The following DAB2 variants were observed in gnomAD, a reference collection of about 807,000 sequenced individuals.
The protein encoded by DAB2 is DAB adaptor protein 2.
A neutral mutation model predicts 71.6 loss-of-function variants in DAB2; 28 were observed. That is an observed-to-expected ratio of 0.39 (90% CI 0.29 to 0.54). The LOEUF is 0.54. Among genes scored for constraint, DAB2 ranks in the 20% least tolerant of loss-of-function variants. The pLI, the probability that DAB2 is intolerant of heterozygous loss-of-function variation, is 0.68. For synonymous variants in DAB2, 345 were observed against 339.7 expected (o/e 1.02, Z -0.17); for missense variants, 867 against 928.8 (o/e 0.93, Z 0.86).
chr5:39,382,493 T>C, intron 10 of DAB2, 125 bp downstream of exon 10: 1 of 1,077,256 alleles, frequency 9.3e-7, no homozygotes, highest in Non-Finnish European at 1.3e-6. Flanking sequence ...AAGTGCCTTA[T>C]CCCACCTTCT....
At chr5:39,376,237 C>CCATTT (rs1754825354) in intron 12 of DAB2, 131 bp from the exon 13 acceptor site, 4 of 662,414 alleles carry the variant, frequency 6.0e-6, no homozygotes, top group Non-Finnish European at 7.9e-6. Context: ...AAAATCAACA[C>CCATTT]CAAATACTAG....
intron 9 of DAB2, among the ~76,000 whole-genome samples, chr5:39,383,956 G>C (rs1755039310): frequency 6.6e-6 from 1 of 152,226 alleles, no homozygotes; most frequent in African/African-American, 2.4e-5. Context: ...GAAGCTGATA[G>C]TCAAGTAGGA....
At position 39,393,289 on chromosome 5, in the gene DAB2, C is replaced by T; in HGVS notation, c.196G>A (p.Asp66Asn). The change falls in exon 3 of 15, where the codon GAT (aspartate) becomes AAT (asparagine). Residue 66 changes from aspartate (D) to asparagine (N), a missense_variant. Asp to Asn is a conservative substitution (Grantham distance 23). Transcript: ENST00000320816. ...ATCATAGAGTCTTGGCTCATTTTAT[C>T]CCCTCTTGCATCTGGCACATCATCA... ...GIDDVPDARG[D>N]KMSQDSMMKL... 6.2e-7 allele frequency: 1 copy of T among 1,614,040 alleles called. No homozygotes were observed. The highest frequency in any genetic ancestry group is 8.5e-7 in the Non-Finnish European group (1 of 1,179,970).
chr5:39,395,633 T>C (rs904508302), intron 1 of DAB2, among the ~76,000 whole-genome samples: 1 of 152,222 alleles, frequency 6.6e-6, no homozygotes, highest in African/African-American at 2.4e-5. Flanking sequence ...ATCTGAACAG[T>C]CTTTAAATAC....
intron 8 of DAB2, 149 bp from the exon 9 acceptor site, chr5:39,388,516 G>A (rs1755149503): frequency 4.5e-6 from 3 of 667,936 alleles, no homozygotes; most frequent in Non-Finnish European, 7.8e-6. Context: ...AGCTGTTTAG[G>A]TCAGGAAGTG....
chr5:39,388,744 T>A, intron 8 of DAB2, 55 bp downstream of exon 8: 2 of 1,418,010 alleles, frequency 1.4e-6, no homozygotes, highest in East Asian at 2.3e-5. Flanking sequence ...CTACAGGAAG[T>A]AGAACCCATG....
At chr5:39,409,856 T>TAAG (rs1215011441) in intron 1 of DAB2, among the ~76,000 whole-genome samples, 1 of 152,182 alleles carries the variant, frequency 6.6e-6, no homozygotes, top group Non-Finnish European at 1.5e-5. Context: ...CCTCTACAGA[T>TAAG]AAGATTAAAG....
In DAB2 at chr5:39,404,240, G is replaced by A. The variant is rs60377457; in HGVS notation, c.-101-9819C>T. Among the ~76,000 whole-genome samples, 564 of 108,508 alleles carry A rather than the reference G, an allele frequency of 5.2e-3. 3 individuals carry two copies. The highest frequency in any genetic ancestry group is 0.019 in the African/African-American group (529 of 28,384). The allele number at this position is 108,508 out of a possible 152,430, so 71.2% of individuals were successfully genotyped here. On this transcript the variant is annotated intron_variant, in intron 1 of 14. Transcript: ENST00000320816. ...AGGGGAACATCACACACCAGGGTCT[G>A]TTGTGGGGTGGGGGGAGGGGGGAGG...
Position 39,379,542 on chromosome 5 carries a change from C to T in DAB2, c.1504+1912G>A, listed in dbSNP as rs183308059. On this transcript the variant is annotated intron_variant, in intron 11 of 14. Transcript: ENST00000320816. ...TTATACCAGTCTTCATTCCTACCCACCAAATCCCCACATTGTGTTTTAACA... is the reference window on the plus strand; with the variant it reads ...TTATACCAGTCTTCATTCCTACCCATCAAATCCCCACATTGTGTTTTAACA... Among the ~76,000 whole-genome samples, 328 of 151,966 alleles carry T rather than the reference C, an allele frequency of 2.2e-3. 1 individual carries two copies. The highest frequency in any genetic ancestry group is 7.5e-3 in the African/African-American group (312 of 41,448).
At chr5:39,417,029 T>C (rs899237493) in intron 1 of DAB2, among the ~76,000 whole-genome samples, 5 of 152,118 alleles carry the variant, frequency 3.3e-5, no homozygotes, top group Non-Finnish European at 7.4e-5. Flanking sequence ...AATCAGCATT[T>C]GGTTTTCCTG....
At position 39,375,498 on chromosome 5, in the gene DAB2, T is replaced by A. The variant is rs879434778; in HGVS notation, c.2248-414A>T. Among the ~76,000 whole-genome samples, 60 of 152,164 alleles carry A rather than the reference T, an allele frequency of 3.9e-4. 2 individuals are homozygous for A. Among genetic ancestry groups the A allele is most frequent in the Admixed American group, 7.9e-4 (12 of 15,276 alleles). On this transcript the variant is annotated intron_variant, in intron 13 of 14. Transcript: ENST00000320816. ...ATTTCTCAAATTCAGAAGATAATAG[T>A]TCTTGTGCAAATAATCTTTCTCCAG...
At chr5:39,404,868 T>C (rs1026412304) in intron 1 of DAB2, among the ~76,000 whole-genome samples, 10 of 152,210 alleles carry the variant, frequency 6.6e-5, no homozygotes, top group African/African-American at 2.4e-4. Context: ...CATGAGCCAC[T>C]GCACTTGGCC....
At chr5:39,376,170 A>G in intron 12 of DAB2, 64 bp from the exon 13 acceptor site, 2 of 1,280,078 alleles carry the variant, frequency 1.6e-6, no homozygotes, top group Non-Finnish European at 2.2e-6. Flanking sequence ...CCAGTCCCCG[A>G]GTCAGCTTAT....
intron 1 of DAB2, among the ~76,000 whole-genome samples, chr5:39,394,957 C>A (rs62358414): frequency 0.025 from 3,810 of 152,206 alleles, 57 homozygotes; most frequent in South Asian, 0.046. Flanking sequence ...CAGGGTTATC[C>A]AAGCACTATA....
In DAB2 at chr5:39,372,244, G is replaced by C. The variant is rs938425149; in HGVS notation, c.*1187C>G. 3.3e-5 allele frequency: 5 copies of C among 152,176 alleles called. No homozygotes were observed. Among genetic ancestry groups the C allele is most frequent in the African/African-American group, 1.2e-4 (5 of 41,450 alleles). The allele number at this position is 152,176 out of a possible 1,614,324, so 9.4% of individuals were successfully genotyped here. A position where few individuals can be genotyped will look rare whatever the true frequency, so the allele number is the denominator to read the frequency against. ...GAGGAGAAAAATATTGCAGACATTA[G>C]ATTTTCAATGGTAACCCCAAACATT... is the stretch of plus-strand genomic sequence containing the variant. On this transcript the variant is annotated 3_prime_UTR_variant, in exon 15 of 15. Coordinates refer to ENST00000320816, the MANE Select transcript of DAB2 (RefSeq NM_001343.4).
intron 3 of DAB2, among the ~76,000 whole-genome samples, chr5:39,392,911 T>C (rs1022237073): frequency 1.3e-5 from 2 of 152,224 alleles, no homozygotes; most frequent in Non-Finnish European, 2.9e-5. Flanking sequence ...TAAAACAGGA[T>C]ATTCCGTGCT....
chr5:39,399,320 G>A (rs929641118), intron 1 of DAB2, among the ~76,000 whole-genome samples: 2 of 152,274 alleles, frequency 1.3e-5, no homozygotes. Flanking sequence ...CATATAAAAA[G>A]GCTCACAAGC....
At position 39,389,482 on chromosome 5, in the gene DAB2, TATA is replaced by T. The variant is rs200764486; in HGVS notation, c.544-362_544-360del. ...AATTTTCAGATAGACCATATTTATATATAATATTAAACATAGTCCTGAGTACAG... is the reference window on the plus strand; with the variant it reads ...AATTTTCAGATAGACCATATTTATATATATTAAACATAGTCCTGAGTACAG... On this transcript the variant is annotated intron_variant, in intron 6 of 14. Transcript: ENST00000320816. Among the ~76,000 whole-genome samples, 1,451 of 152,282 alleles carry T rather than the reference TATA, an allele frequency of 9.5e-3. 17 individuals carry two copies. Among genetic ancestry groups the T allele is most frequent in the African/African-American group, 0.033 (1,367 of 41,558 alleles).
chr5:39,379,601 G>A (rs1353127154), intron 11 of DAB2, among the ~76,000 whole-genome samples: 1 of 151,992 alleles, frequency 6.6e-6, no homozygotes, highest in Non-Finnish European at 1.5e-5. Flanking sequence ...ACAAAGTAGG[G>A]GCAAGGAATA....
Sources: allele counts gnomAD v4.1 joint callset (sites outside exome capture counted in the v4.1 genomes callset), GRCh38; gene constraint gnomAD v4.1.1; transcripts MANE v1.5; gene names NCBI Gene and HGNC (gene_info 2026-07-23, HGNC 2026-07-21).